SGIP1: variants seen among roughly 807,000 people sequenced by gnomAD.
The protein encoded by SGIP1 is SH3-containing GRB2-like protein 3-interacting protein 1.
SGIP1 carries 38 observed loss-of-function variants against 107.5 expected under a neutral mutation model. The observed-to-expected ratio is 0.35, with a 90% CI of 0.27 to 0.46. The LOEUF (loss-of-function observed/expected upper bound fraction) is 0.46. Among genes scored for constraint, SGIP1 ranks in the 20% least tolerant of loss-of-function variants. The pLI, the probability that SGIP1 is intolerant of heterozygous loss-of-function variation, is 1.00. For missense variants in SGIP1, 929 were observed against 1,019.5 expected, an observed-to-expected ratio of 0.91 and a Z score of 1.21; for synonymous variants, 365 against 366.1, an observed-to-expected ratio of 1.00 and a Z score of 0.03.
At chr1:66,541,438 G>A (rs57941297) in intron 1 of SGIP1, among the ~76,000 whole-genome samples, 24,754 of 152,232 alleles carry the variant, frequency 0.16, 2,190 homozygotes, top group East Asian at 0.35. Flanking sequence ...CATTTAATAA[G>A]TGAATGAGTG....
chr1:66,610,736 C>G (rs1031490346), intron 1 of SGIP1, among the ~76,000 whole-genome samples: 6 of 136,598 alleles, frequency 4.4e-5, no homozygotes, highest in Admixed American at 4.3e-4. Flanking sequence ...TTAATTCCAT[C>G]GATTTTAAGG....
At chr1:66,603,545 A>G (rs2066262287) in intron 1 of SGIP1, among the ~76,000 whole-genome samples, 1 of 152,184 alleles carries the variant, frequency 6.6e-6, no homozygotes, top group Non-Finnish European at 1.5e-5. Flanking sequence ...CATCAGAAAT[A>G]TAAATCTAGA....
At chr1:66,604,255 G>A (rs183181702) in intron 1 of SGIP1, among the ~76,000 whole-genome samples, 8 of 152,268 alleles carry the variant, frequency 5.3e-5, no homozygotes, top group Non-Finnish European at 8.8e-5. Context: ...TATTACCAGA[G>A]TTCTGAGTTT....
intron 1 of SGIP1, among the ~76,000 whole-genome samples, chr1:66,564,403 A>G (rs557247471): frequency 6.6e-6 from 1 of 152,094 alleles, no homozygotes; most frequent in Non-Finnish European, 1.5e-5. Flanking sequence ...GGATGAAGTT[A>G]GGCAATATGT....
At chr1:66,739,287 G>T in intron 21 of SGIP1, 48 bp from the exon 22 acceptor site, 1 of 1,574,952 alleles carries the variant, frequency 6.3e-7, no homozygotes, top group South Asian at 1.1e-5. Flanking sequence ...TGATGTCTAA[G>T]AACATCCCTG....
intron 1 of SGIP1, among the ~76,000 whole-genome samples, chr1:66,562,996 TCACA>T (rs1428333782): frequency 6.6e-6 from 1 of 151,914 alleles, no homozygotes; most frequent in Non-Finnish European, 1.5e-5. Flanking sequence ...AATCTATTAC[TCACA>T]CTCTCTTGCA....
intron 7 of SGIP1, among the ~76,000 whole-genome samples, chr1:66,653,127 TAAC>T: frequency 6.6e-6 from 1 of 152,280 alleles, no homozygotes; most frequent in Middle Eastern, 3.4e-3. Flanking sequence ...CAGCTAGAGT[TAAC>T]ACATGAGACG....
At chr1:66,656,004 G>T (rs1385910390) in intron 7 of SGIP1, among the ~76,000 whole-genome samples, 2 of 152,070 alleles carry the variant, frequency 1.3e-5, no homozygotes, top group African/African-American at 4.8e-5. Flanking sequence ...ACAGCTGTAT[G>T]AAAATACTTT....
rs750481501 is a variant in SGIP1, at chr1:66,739,552, A to G, written c.2234+15A>G. The G allele has an allele frequency of 9.9e-6, 16 of 1,612,726 alleles. No homozygotes were observed. The highest frequency in any genetic ancestry group is 1.3e-5 in the African/African-American group (1 of 74,890). On this transcript the variant is annotated intron_variant, in intron 22 of 24. Transcript: ENST00000371037. ...CCAGCAGTCTGGTATGAAGCCTCCT[A>G]TTCTCTCCACCAAAGGGCTCCTCTG...
chr1:66,681,844 T>G (rs1183140849), intron 14 of SGIP1, 25 bp from the exon 15 acceptor site: 2 of 1,581,726 alleles, frequency 1.3e-6, no homozygotes, highest in Non-Finnish European at 1.7e-6. Flanking sequence ...CAATTAAAGT[T>G]TAAAATCAAC....
chr1:66,714,804 G>A lies in SGIP1; in HGVS notation c.1631-4490G>A, dbSNP rs368320949. On this transcript the variant is annotated intron_variant, in intron 18 of 24. Transcript: ENST00000371037. The stretch of plus-strand genomic sequence containing the variant: ...GCCTTGAACTCTGGTCTCCAGAGTC[G>A]CTGTCTGTTAATATTATTTCAGTTA... 2.0e-5 allele frequency among the ~76,000 whole-genome samples: 3 copies of A among 151,984 alleles called. No individual in the cohort carries two copies. The East Asian group carries it at 5.8e-4, about 29-fold the overall frequency.
At chr1:66,629,604 TA>T (rs2073802293) in intron 2 of SGIP1, among the ~76,000 whole-genome samples, 1 of 151,308 alleles carries the variant, frequency 6.6e-6, no homozygotes, top group African/African-American at 2.4e-5. Context: ...TTACAAAAGG[TA>T]ACTGAAACTT....
intron 1 of SGIP1, among the ~76,000 whole-genome samples, chr1:66,562,150 T>A (rs541267408): frequency 3.3e-5 from 5 of 152,032 alleles, no homozygotes; most frequent in Admixed American, 2.6e-4. Context: ...GCACCTCCTA[T>A]GTGCTAAGTA....
intron 1 of SGIP1, among the ~76,000 whole-genome samples, chr1:66,552,420 C>T (rs2057553317): frequency 1.3e-5 from 2 of 152,118 alleles, no homozygotes; most frequent in Admixed American, 1.3e-4. Flanking sequence ...ACACTGCTCC[C>T]CCTTTTCTTC....
chr1:66,578,156 T>A (rs1445572), intron 1 of SGIP1, among the ~76,000 whole-genome samples: 1 of 151,976 alleles, frequency 6.6e-6, no homozygotes, highest in Non-Finnish European at 1.5e-5. Context: ...TCCAATGTCA[T>A]GTAATAATAG....
intron 1 of SGIP1, among the ~76,000 whole-genome samples, chr1:66,595,935 G>A (rs1043848092): frequency 9.2e-5 from 14 of 152,150 alleles, no homozygotes; most frequent in Non-Finnish European, 1.9e-4. Flanking sequence ...GGAGGAAGGT[G>A]GCCATGACTA....
intron 1 of SGIP1, among the ~76,000 whole-genome samples, chr1:66,578,034 A>G (rs2061320293): frequency 1.3e-5 from 2 of 152,166 alleles, no homozygotes; most frequent in Non-Finnish European, 2.9e-5. Context: ...AGTTGGTGTG[A>G]CTTTTTAAAA....
intron 21 of SGIP1, among the ~76,000 whole-genome samples, chr1:66,736,091 A>G (rs1572418025): frequency 6.7e-6 from 1 of 148,264 alleles, no homozygotes; most frequent in Admixed American, 6.8e-5. Context: ...TAATATAAAT[A>G]TTTATTTATA....
chr1:66,603,449 T>G (rs977731431), intron 1 of SGIP1, among the ~76,000 whole-genome samples: 3 of 152,132 alleles, frequency 2.0e-5, no homozygotes, highest in African/African-American at 2.4e-5. Flanking sequence ...CTCAATGGTT[T>G]CATATATTAT....
Sources: gnomAD v4.1 joint callset for allele counts (sites outside exome capture counted in the v4.1 genomes callset) on GRCh38, gnomAD v4.1.1 for gene constraint, MANE v1.5 for transcripts, NCBI Gene and HGNC (gene_info 2026-07-23, HGNC 2026-07-21) for gene names.